The following SETX variants were observed in gnomAD, a reference collection of about 807,000 sequenced individuals.
SETX encodes senataxin, also known as helicase senataxin.
In SETX, 90 loss-of-function variants were observed where a neutral mutation model predicts 227.2. The observed-to-expected ratio is 0.40, with a 90% CI of 0.33 to 0.47. The LOEUF is 0.47. SETX is among the 20% of genes least tolerant of loss of function. The pLI, the probability that SETX is intolerant of heterozygous loss-of-function variation, is 0.91. For synonymous variants in SETX, 1,210 were observed against 1,113.2 expected (o/e 1.09, Z -1.73); for missense variants, 3,052 against 3,181.5 (o/e 0.96, Z 0.98).
chr9:132,349,575 T>G, intron 2 of SETX, 140 bp from the exon 3 acceptor site: 4 of 789,972 alleles, frequency 5.1e-6, no homozygotes, highest in Non-Finnish European at 8.3e-6. Flanking sequence ...CTGGCTGGCT[T>G]ATCAATCACT....
At chr9:132,339,836 A>C (rs1261393992) in intron 5 of SETX, among the ~76,000 whole-genome samples, 1 of 152,124 alleles carries the variant, frequency 6.6e-6, no homozygotes, top group African/African-American at 2.4e-5. Flanking sequence ...GCTGGTCTCA[A>C]ACTCCTGGCC....
chr9:132,296,836 A>G, intron 14 of SETX, 51 bp downstream of exon 14: 6 of 1,544,920 alleles, frequency 3.9e-6, no homozygotes, highest in Non-Finnish European at 5.4e-6. Context: ...ACTCAAGTAA[A>G]GTAAAATGAT....
At chr9:132,290,909 G>C (rs1844257568) in intron 15 of SETX, among the ~76,000 whole-genome samples, 2 of 152,128 alleles carry the variant, frequency 1.3e-5, no homozygotes, top group Admixed American at 1.3e-4. Flanking sequence ...ATCATGTAGA[G>C]TTTGTCAGCA....
At chr9:132,274,942 ATGTTACTTTT>A in intron 23 of SETX, 1 of 343,106 alleles carries the variant, frequency 2.9e-6, no homozygotes, top group Non-Finnish European at 5.3e-6. Flanking sequence ...TTAAAGTGAA[ATGTTACTTTT>A]AGTCTTGCTA....
intron 10 of SETX, among the ~76,000 whole-genome samples, chr9:132,319,055 T>C (rs1436010411): frequency 6.6e-6 from 1 of 152,214 alleles, no homozygotes; most frequent in Non-Finnish European, 1.5e-5. Context: ...CCCGTGATCA[T>C]TTGACATCAA....
intron 25 of SETX, among the ~76,000 whole-genome samples, chr9:132,266,801 A>T (rs748277863): frequency 2.0e-5 from 3 of 152,070 alleles, no homozygotes; most frequent in Non-Finnish European, 4.4e-5. Flanking sequence ...AACCTTATAC[A>T]CTGGAGATAA....
Position 132,328,565 on chromosome 9 carries a change from T to A in SETX, c.3033A>T (p.Gly1011=). ...CAGAATCTGAAATAATAATAACCTG[T>A]CCACGGGAGGTATCTCCAACATTAT... ...NQNNVGDTSR[G]QVIIISDSDD... Residue 1011 remains glycine (G), a synonymous_variant, in exon 10 of 26, where the codon GGA becomes GGT. Transcript: ENST00000224140. 6.2e-7 allele frequency: 1 copy of A among 1,614,086 alleles called. No homozygotes were observed.
intron 15 of SETX, among the ~76,000 whole-genome samples, chr9:132,293,815 G>T (rs1163267827): frequency 1.3e-5 from 2 of 152,170 alleles, no homozygotes; most frequent in Non-Finnish European, 2.9e-5. Context: ...GAGGTCAGGA[G>T]ATCGAGACCA....
At position 132,288,256 on chromosome 9, in the gene SETX, G is replaced by A; in HGVS notation, c.6304C>T (p.Arg2102Ter). The change falls in exon 17 of 26, where the codon CGA (arginine) becomes TGA (stop). Residue 2102 changes from arginine to a stop codon, truncating the protein, a stop_gained. Transcript: ENST00000224140. LOFTEE classifies it high-confidence loss of function. ...DELSRQRALC[R>*]GGREIQRQEL... ...GATACCTGTATTTCCCGTCCACCTCGGCATAGAGCTCGCTGCCGGGAAAGC... is the reference window on the plus strand; with the variant it reads ...GATACCTGTATTTCCCGTCCACCTCAGCATAGAGCTCGCTGCCGGGAAAGC... 6.2e-7 allele frequency: 1 copy of A among 1,613,964 alleles called. No homozygotes were observed. Among genetic ancestry groups the A allele is most frequent in the Non-Finnish European group, 8.5e-7 (1 of 1,179,898 alleles).
intron 6 of SETX, among the ~76,000 whole-genome samples, chr9:132,335,181 G>T (rs893518597): frequency 6.6e-6 from 1 of 151,724 alleles, no homozygotes; most frequent in Admixed American, 6.6e-5. Flanking sequence ...ACAAAGTCAG[G>T]AGATCGAGAC....
intron 24 of SETX, among the ~76,000 whole-genome samples, chr9:132,271,035 G>C (rs1232414613): frequency 6.6e-6 from 1 of 152,182 alleles, no homozygotes. Context: ...AAATAATCAT[G>C]TAAGAGTCTT....
At chr9:132,336,245 A>C (rs891063216) in intron 6 of SETX, 51 bp downstream of exon 6, 67 of 1,500,444 alleles carry the variant, frequency 4.5e-5, no homozygotes, top group Non-Finnish European at 6.1e-5. Flanking sequence ...TGTCTCAAAA[A>C]ACAGAACTAT....
chr9:132,336,330 C>T lies in SETX; in HGVS notation c.684G>A (p.Met228Ile). 6.2e-7 allele frequency: 1 copy of T among 1,613,884 alleles called. No individual in the cohort carries two copies. Among genetic ancestry groups the T allele is most frequent in the Non-Finnish European group, 8.5e-7 (1 of 1,179,800 alleles). The change falls in exon 6 of 26, where the codon ATG (methionine) becomes ATA (isoleucine). Residue 228 changes from methionine to isoleucine, a missense_variant. Around this residue, in one of 10 missense-constraint regions of SETX, gnomAD observed 239 missense variants for 240.8 expected, o/e 0.99. Transcript: ENST00000224140. ...AGCTTTTGTAGTTGGTAGTATCATA[C>T]ATGTGTGAGGGCAGAAGAATCAGTT... ...KGKLILLPSH[M>I]YDTTNYKSYW...
At position 132,316,125 on chromosome 9, in the gene SETX, G is replaced by A. The variant is rs111788472; in HGVS notation, c.5275-4269C>T. 3.7e-3 allele frequency among the ~76,000 whole-genome samples: 567 copies of A among 152,228 alleles called. 4 individuals are homozygous for A. Among genetic ancestry groups the A allele is most frequent in the African/African-American group, 0.013 (539 of 41,522 alleles). On this transcript the variant is annotated intron_variant, in intron 10 of 25. Transcript: ENST00000224140. ...AGACATAGAACCCTCATAGACAGGCGTGTATATGTTCTTCTGACGAGGCTA... is the reference window on the plus strand; with the variant it reads ...AGACATAGAACCCTCATAGACAGGCATGTATATGTTCTTCTGACGAGGCTA...
chr9:132,286,245 G>A (rs1194942422), intron 18 of SETX, among the ~76,000 whole-genome samples, 178 bp downstream of exon 18: 1 of 151,004 alleles, frequency 6.6e-6, no homozygotes, highest in Non-Finnish European at 1.5e-5. Flanking sequence ...CCAGCCACAT[G>A]GGAGACTGAG....
At chr9:132,292,704 A>G (rs1229639478) in intron 15 of SETX, among the ~76,000 whole-genome samples, 1 of 142,504 alleles carries the variant, frequency 7.0e-6, no homozygotes, top group East Asian at 2.1e-4. Context: ...ATCTCAGCTC[A>G]CTGCAAGCTC....
At chr9:132,348,487 C>T (rs1172834295) in intron 3 of SETX, among the ~76,000 whole-genome samples, 1 of 151,828 alleles carries the variant, frequency 6.6e-6, no homozygotes, top group Non-Finnish European at 1.5e-5. Context: ...CTCCCAATGA[C>T]TTTATTTCAT....
intron 25 of SETX, among the ~76,000 whole-genome samples, chr9:132,268,130 ATGGTCACAGG>A (rs1286358226): frequency 6.6e-6 from 1 of 152,252 alleles, no homozygotes; most frequent in Non-Finnish European, 1.5e-5. Flanking sequence ...TCAGATGCTT[ATGGTCACAGG>A]AAAAGCAATT....
chr9:132,285,381 G>A (rs928136598), intron 18 of SETX, among the ~76,000 whole-genome samples: 3 of 152,138 alleles, frequency 2.0e-5, no homozygotes, highest in African/African-American at 7.2e-5. Flanking sequence ...AAATGCAAAT[G>A]TTGTTACACC....
Sources: allele counts gnomAD v4.1 joint callset (sites outside exome capture counted in the v4.1 genomes callset), GRCh38; gene constraint gnomAD v4.1.1; regional missense constraint gnomAD v4.1.1; transcripts MANE v1.5; gene names NCBI Gene and HGNC (gene_info 2026-07-23, HGNC 2026-07-21).